ATP5PO: variants seen among roughly 807,000 people sequenced by gnomAD.
ATP5PO encodes ATP synthase peripheral stalk subunit OSCP, also known as ATP synthase peripheral stalk subunit OSCP, mitochondrial.
A neutral mutation model predicts 26.2 loss-of-function variants in ATP5PO; 14 were observed. The ratio of observed to expected loss-of-function variants is 0.53; its 90% CI spans 0.35 to 0.83. The LOEUF (loss-of-function observed/expected upper bound fraction) is 0.83. Among genes scored for constraint, ATP5PO ranks in the 40% least tolerant of loss-of-function variants. The probability of loss-of-function intolerance (pLI) is 0.01; values close to 1 mark genes in which losing one functional copy is unlikely to be tolerated. For synonymous variants in ATP5PO, 106 were observed against 95.1 expected (o/e 1.12, Z -0.67); for missense variants, 241 against 258.5 (o/e 0.93, Z 0.46).
chr21:33,910,310 G>A (rs968758701), intron 3 of ATP5PO, among the ~76,000 whole-genome samples: 2 of 152,076 alleles, frequency 1.3e-5, no homozygotes, highest in Non-Finnish European at 2.9e-5. Context: ...CCACTTGAGT[G>A]ACCCCACAGA....
At chr21:33,914,641 G>A (rs1031952019) in intron 1 of ATP5PO, 141 bp from the exon 2 acceptor site, 7 of 719,830 alleles carry the variant, frequency 9.7e-6, no homozygotes, top group African/African-American at 1.8e-5. Flanking sequence ...ACATGAGGGT[G>A]AGCTACTTAC....
chr21:33,906,662 C>T, intron 5 of ATP5PO: 1 of 456,238 alleles, frequency 2.2e-6, no homozygotes, highest in Non-Finnish European at 4.4e-6. Flanking sequence ...TACTCCTTCC[C>T]ACTCACCACC....
At chr21:33,908,280 G>A (rs556626767) in intron 4 of ATP5PO, among the ~76,000 whole-genome samples, 1 of 151,666 alleles carries the variant, frequency 6.6e-6, no homozygotes, top group East Asian at 1.9e-4. Flanking sequence ...TAAATTAGTA[G>A]GTATGGGGGG....
At chr21:33,906,785 C>T (rs989413065) in intron 5 of ATP5PO, 39 of 455,986 alleles carry the variant, frequency 8.6e-5, no homozygotes, top group African/African-American at 4.2e-4. Flanking sequence ...CCCAGAAGTT[C>T]GAGACAAGCC....
chr21:33,914,246 A>G (rs1987285306), intron 2 of ATP5PO, among the ~76,000 whole-genome samples: 1 of 152,150 alleles, frequency 6.6e-6, no homozygotes, highest in African/African-American at 2.4e-5. Flanking sequence ...TTTCATATTT[A>G]AAGATTATGC....
chr21:33,913,888 T>A (rs991594880), intron 2 of ATP5PO, among the ~76,000 whole-genome samples: 12 of 152,064 alleles, frequency 7.9e-5, no homozygotes, highest in African/African-American at 2.4e-4. Flanking sequence ...CAAGCAATTC[T>A]CCTACCTCAG....
At chr21:33,914,335 G>T in intron 2 of ATP5PO, 115 bp downstream of exon 2, 1 of 1,009,100 alleles carries the variant, frequency 9.9e-7, no homozygotes, top group Non-Finnish European at 1.5e-6. Flanking sequence ...GGAACCACAA[G>T]TCACGCAAAA....
intron 6 of ATP5PO, 76 bp from the exon 7 acceptor site, chr21:33,903,715 TAAATGTGTTGCAC>T (rs1355723105): frequency 6.7e-7 from 1 of 1,482,354 alleles, no homozygotes; most frequent in Non-Finnish European, 9.4e-7. Flanking sequence ...TTTGAAAGGC[TAAATGTGTTGCAC>T]AAATGTAAGA....
Position 33,903,891 on chromosome 21 carries a change from T to C in ATP5PO, c.528+44A>G, listed in dbSNP as rs756989507. On this transcript the variant is annotated intron_variant, in intron 6 of 6. Transcript: ENST00000290299. ...GTACTTTCTGTAGCCATTTTAAGCTTAAAATAACCCGAGAAAACGTACCAT... is the reference window on the plus strand; with the variant it reads ...GTACTTTCTGTAGCCATTTTAAGCTCAAAATAACCCGAGAAAACGTACCAT... The C allele has an allele frequency of 2.6e-6, 4 of 1,529,502 alleles. No individual in the cohort carries two copies. The Admixed American group carries it at 7.7e-5, about 29-fold the overall frequency. The allele number at this position is 1,529,502 out of a possible 1,614,324, so 94.7% of individuals were successfully genotyped here.
intron 3 of ATP5PO, among the ~76,000 whole-genome samples, chr21:33,910,633 G>C (rs1987235254): frequency 6.6e-6 from 1 of 152,150 alleles, no homozygotes; most frequent in Non-Finnish European, 1.5e-5. Flanking sequence ...TAACTGACAA[G>C]TAGCAGACAA....
At chr21:33,908,836 G>C in intron 4 of ATP5PO, 1 of 392,836 alleles carries the variant, frequency 2.5e-6, no homozygotes, top group African/African-American at 2.0e-5. Context: ...TGAAACTACT[G>C]ACTATACAAT....
chr21:33,911,700 G>A (rs887443999), intron 3 of ATP5PO, among the ~76,000 whole-genome samples: 11 of 121,566 alleles, frequency 9.0e-5, no homozygotes, highest in Non-Finnish European at 1.4e-4. Context: ...ACGGAGTCTC[G>A]TACCGTCCGG....
rs146453770 is a variant in ATP5PO, at chr21:33,907,501, T to C, written c.329-48A>G. On this transcript the variant is annotated intron_variant, in intron 4 of 6. Coordinates refer to ENST00000290299, the MANE Select transcript of ATP5PO (RefSeq NM_001697.3). Reference sequence around the variant, plus strand: ...GTAACAAGAAACTCACCTGAACAAGTTATTCATGAAGTTGTATACTCAACC... The same window carrying C: ...GTAACAAGAAACTCACCTGAACAAGCTATTCATGAAGTTGTATACTCAACC... 1,568 of 1,519,820 alleles carry C rather than the reference T, an allele frequency of 1.0e-3. 4 individuals carry two copies. The highest frequency in any genetic ancestry group is 1.1e-3 in the Non-Finnish European group (1,221 of 1,095,258). 94.1% of individuals were successfully genotyped at this position (1,519,820 alleles called of 1,614,324 possible).
At chr21:33,904,064 A>G (rs765942712) in intron 5 of ATP5PO, 43 bp from the exon 6 acceptor site, 13 of 1,529,080 alleles carry the variant, frequency 8.5e-6, no homozygotes, top group Non-Finnish European at 1.1e-5. Context: ...AAAGCAAAAC[A>G]GAAACTTCCA....
intron 5 of ATP5PO, 155 bp downstream of exon 5, chr21:33,907,186 G>T: frequency 1.5e-6 from 1 of 645,830 alleles, no homozygotes; most frequent in Non-Finnish European, 2.7e-6. Flanking sequence ...CAAAGCAAAG[G>T]GTCACAGAAG....
intron 5 of ATP5PO, 78 bp from the exon 6 acceptor site, chr21:33,904,099 T>A: frequency 1.5e-6 from 2 of 1,292,668 alleles, no homozygotes; most frequent in Non-Finnish European, 2.2e-6. Flanking sequence ...CAGGCCCACA[T>A]CACCAAGACA....
chr21:33,909,922 C>T (rs989308214), intron 3 of ATP5PO, among the ~76,000 whole-genome samples: 5 of 152,220 alleles, frequency 3.3e-5, no homozygotes, highest in Non-Finnish European at 5.9e-5. Flanking sequence ...CTCCGCACCG[C>T]TCCCTTGGAG....
chr21:33,904,124 C>T, intron 5 of ATP5PO, 103 bp from the exon 6 acceptor site: 1 of 936,424 alleles, frequency 1.1e-6, no homozygotes, highest in Non-Finnish European at 1.6e-6. Context: ...TTGTGAGCTC[C>T]TCCCTTTGCT....
At chr21:33,911,719 T>C (rs1021094976) in intron 3 of ATP5PO, among the ~76,000 whole-genome samples, 1 of 127,992 alleles carries the variant, frequency 7.8e-6, no homozygotes, top group African/African-American at 3.0e-5. Context: ...GGGGCTGGAG[T>C]GCAATGGCGC....
Sources: gnomAD v4.1 joint callset for allele counts (sites outside exome capture counted in the v4.1 genomes callset) on GRCh38, gnomAD v4.1.1 for gene constraint, MANE v1.5 for transcripts, NCBI Gene and HGNC (gene_info 2026-07-23, HGNC 2026-07-21) for gene names.